The following ABLIM1 variants were observed in gnomAD, a reference collection of about 807,000 sequenced individuals.
ABLIM1 encodes actin binding LIM protein 1, also known as actin-binding LIM protein 1.
Under a neutral mutation model 107.0 loss-of-function variants are expected in ABLIM1, and 40 were observed. The observed-to-expected ratio is 0.37, with a 90% CI of 0.29 to 0.49. The LOEUF is 0.49. ABLIM1 is among the 20% of genes least tolerant of loss of function. ABLIM1 has a pLI of 0.97. For synonymous variants in ABLIM1, 357 were observed against 357.3 expected, an observed-to-expected ratio of 1.00 and a Z score of 0.01; for missense variants, 857 against 1,008.5, an observed-to-expected ratio of 0.85 and a Z score of 2.04.
intron 1 of ABLIM1, among the ~76,000 whole-genome samples, chr10:114,701,978 G>C (rs563698077): frequency 6.6e-6 from 1 of 152,130 alleles, no homozygotes; most frequent in Non-Finnish European, 1.5e-5. Context: ...TGGGCGATGG[G>C]TACTTGAGGT....
At chr10:114,560,578 T>C (rs894599808) in intron 4 of ABLIM1, among the ~76,000 whole-genome samples, 2 of 152,244 alleles carry the variant, frequency 1.3e-5, no homozygotes, top group Admixed American at 1.3e-4. Flanking sequence ...CTAGGAGTAA[T>C]AGGCTATGCC....
chr10:114,441,101 T>A, intron 18 of ABLIM1, 24 bp from the exon 19 acceptor site: 1 of 1,561,292 alleles, frequency 6.4e-7, no homozygotes, highest in Non-Finnish European at 8.7e-7. Context: ...AAACAATTAT[T>A]AGGAAATCTC....
intron 1 of ABLIM1, among the ~76,000 whole-genome samples, chr10:114,664,269 T>C (rs2079916259): frequency 6.6e-6 from 1 of 152,176 alleles, no homozygotes; most frequent in Non-Finnish European, 1.5e-5. Flanking sequence ...GTGAGCTAAC[T>C]AAAACATTCA....
intron 12 of ABLIM1, among the ~76,000 whole-genome samples, chr10:114,453,853 C>T (rs576258584): frequency 3.9e-5 from 6 of 152,194 alleles, no homozygotes; most frequent in African/African-American, 9.6e-5. Context: ...AAATCCCAAG[C>T]GTGTAAAGGA....
At chr10:114,618,473 C>A (rs1047645318) in intron 1 of ABLIM1, among the ~76,000 whole-genome samples, 18 of 152,120 alleles carry the variant, frequency 1.2e-4, no homozygotes, top group African/African-American at 4.3e-4. Flanking sequence ...TGAAAAAAAC[C>A]CTGACTCTGA....
chr10:114,434,505 T>C lies in ABLIM1; in HGVS notation c.*1755A>G, dbSNP rs2138845910. 6.6e-6 allele frequency: 1 copy of C among 152,288 alleles called. No homozygotes were observed. The highest frequency in any genetic ancestry group is 1.9e-4 in the East Asian group (1 of 5,172). 9.4% of individuals were successfully genotyped at this position (152,288 alleles called of 1,614,324 possible). A position where few individuals can be genotyped will look rare whatever the true frequency, so the allele number is the denominator to read the frequency against. Reference sequence around the variant, plus strand: ...AGACTCAGAAACTATTCTACTTGCTTTTTTACCACTGGTGTCAGAGAGACA... The same window carrying C: ...AGACTCAGAAACTATTCTACTTGCTCTTTTACCACTGGTGTCAGAGAGACA... On this transcript the variant is annotated 3_prime_UTR_variant, in exon 23 of 23. Coordinates refer to ENST00000533213, the MANE Select transcript of ABLIM1 (RefSeq NM_002313.7).
At chr10:114,771,126 CG>C (rs2083019542), upstream of ABLIM1, among the ~76,000 whole-genome samples, 1 of 82,100 alleles carries the variant, frequency 1.2e-5, no homozygotes, top group Admixed American at 1.2e-4. Flanking sequence ...CCACCGCACC[CG>C]GCCTATTCTT....
At chr10:114,688,943 A>ATG (rs1341882734), upstream of ABLIM1, among the ~76,000 whole-genome samples, 1 of 152,174 alleles carries the variant, frequency 6.6e-6, no homozygotes, top group African/African-American at 2.4e-5. Flanking sequence ...CAAAGACTGT[A>ATG]TGTGTGCAGG....
At chr10:114,702,278 C>T (rs2081321272) in intron 1 of ABLIM1, among the ~76,000 whole-genome samples, 1 of 152,150 alleles carries the variant, frequency 6.6e-6, no homozygotes, top group Admixed American at 6.6e-5. Context: ...ATCATTAATA[C>T]ATGATCTTTA....
In ABLIM1 at chr10:114,571,358, G is replaced by A. The variant is rs758979282; in HGVS notation, c.612C>T (p.Cys204=). 6.2e-7 allele frequency: 1 copy of A among 1,614,208 alleles called. No individual in the cohort carries two copies. The highest frequency in any genetic ancestry group is 8.5e-7 in the Non-Finnish European group (1 of 1,180,042). Residue 204 remains cysteine, a synonymous_variant, in exon 4 of 23, where the codon TGC becomes TGT. Coordinates refer to ENST00000533213, the MANE Select transcript of ABLIM1 (RefSeq NM_002313.7). ...GDRVTFNGRD[C]LCQLCAQPMS... Reference sequence around the variant, plus strand: ...TCGGCTGTGCACAGAGTTGACAAAGGCAGTCTCTCCCATTGAATGTGACTC... The same window carrying A: ...TCGGCTGTGCACAGAGTTGACAAAGACAGTCTCTCCCATTGAATGTGACTC...
At chr10:114,437,592 T>C (rs944865175) in intron 22 of ABLIM1, among the ~76,000 whole-genome samples, 3 of 152,060 alleles carry the variant, frequency 2.0e-5, no homozygotes, top group African/African-American at 7.2e-5. Context: ...GTGTTGGGAT[T>C]ATGGGCGTGA....
At chr10:114,768,369 C>T (rs1226506486), upstream of ABLIM1, among the ~76,000 whole-genome samples, 1 of 150,094 alleles carries the variant, frequency 6.7e-6, no homozygotes, top group African/African-American at 2.4e-5. Flanking sequence ...GCCGCTCTGC[C>T]GCGGCGCCGG....
chr10:114,494,967 T>C (rs919900263), intron 6 of ABLIM1, among the ~76,000 whole-genome samples: 8 of 152,208 alleles, frequency 5.3e-5, no homozygotes, highest in African/African-American at 1.9e-4. Context: ...CCTAATTTTC[T>C]TCAACCCCCT....
intron 6 of ABLIM1, among the ~76,000 whole-genome samples, chr10:114,512,895 GGAAGGAAGGAAGGAAAGAAAGAGA>G (rs1565725823): frequency 7.4e-5 from 11 of 148,478 alleles, no homozygotes; most frequent in South Asian, 4.3e-4. Context: ...AAGGAAGGAA[GGAAGGAAGGAAGGAAAGAAAGAGA>G]GAAAGAAAGA....
chr10:114,678,658 T>C (rs567868687), intron 1 of ABLIM1, among the ~76,000 whole-genome samples: 2 of 152,338 alleles, frequency 1.3e-5, no homozygotes, highest in East Asian at 3.9e-4. Context: ...TATTGTGCCC[T>C]TCACAGAAAA....
intron 11 of ABLIM1, among the ~76,000 whole-genome samples, chr10:114,466,303 CTG>C (rs1754900481): frequency 6.6e-6 from 1 of 151,922 alleles, no homozygotes; most frequent in Admixed American, 6.6e-5. Context: ...GAGTGAGACA[CTG>C]TTTCTTTAAA....
intron 1 of ABLIM1, among the ~76,000 whole-genome samples, chr10:114,649,193 T>G (rs1420954221): frequency 6.6e-6 from 1 of 150,396 alleles, no homozygotes; most frequent in Non-Finnish European, 1.5e-5. Flanking sequence ...AGGTCAGGAG[T>G]TCAAGACCAG....
At chr10:114,673,536 A>G (rs776388644) in intron 1 of ABLIM1, among the ~76,000 whole-genome samples, 1 of 151,150 alleles carries the variant, frequency 6.6e-6, no homozygotes, top group Non-Finnish European at 1.5e-5. Flanking sequence ...CCTCAGACAC[A>G]CTCTTCCCTC....
At chr10:114,458,160 A>T (rs997819629) in intron 12 of ABLIM1, among the ~76,000 whole-genome samples, 1 of 152,036 alleles carries the variant, frequency 6.6e-6, no homozygotes, top group Non-Finnish European at 1.5e-5. Flanking sequence ...TATCACACTC[A>T]TAGCTATTTT....
Sources: allele counts gnomAD v4.1 joint callset (sites outside exome capture counted in the v4.1 genomes callset), GRCh38; gene constraint gnomAD v4.1.1; transcripts MANE v1.5; gene names NCBI Gene and HGNC (gene_info 2026-07-23, HGNC 2026-07-21).